The following PIGN variants were observed in gnomAD, a reference collection of about 807,000 sequenced individuals.
PIGN encodes phosphatidylinositol glycan anchor biosynthesis class N, also known as GPI ethanolamine phosphate transferase 1.
Under a neutral mutation model 125.4 loss-of-function variants are expected in PIGN, and 117 were observed. The observed-to-expected ratio is 0.93, with a 90% CI of 0.80 to 1.09. The LOEUF is 1.09. Among genes scored for constraint, PIGN ranks in the 50% least tolerant of loss-of-function variants. The pLI is 0.00. For synonymous variants in PIGN, 392 were observed against 377.8 expected, an observed-to-expected ratio of 1.04 and a Z score of -0.44; for missense variants, 1,075 against 1,094.9, an observed-to-expected ratio of 0.98 and a Z score of 0.26.
At chr18:62,146,879 A>G in intron 9 of PIGN, 92 bp downstream of exon 9, 1 of 1,282,708 alleles carries the variant, frequency 7.8e-7, no homozygotes, top group Non-Finnish European at 1.1e-6. Flanking sequence ...ATACAGCAAG[A>G]CATCTAATCC....
intron 23 of PIGN, among the ~76,000 whole-genome samples, chr18:62,033,926 T>A (rs1205012398): frequency 6.6e-6 from 1 of 152,210 alleles, no homozygotes; most frequent in Non-Finnish European, 1.5e-5. Context: ...GCAGGCAGTA[T>A]TATCACAGTA....
intron 23 of PIGN, among the ~76,000 whole-genome samples, chr18:62,032,315 C>T (rs1458548753): frequency 6.6e-6 from 1 of 152,126 alleles, no homozygotes; most frequent in Non-Finnish European, 1.5e-5. Context: ...AATAGACAAC[C>T]AATATTTACT....
chr18:62,060,933 G>A (rs1455529376), intron 30 of PIGN, among the ~76,000 whole-genome samples: 16 of 152,148 alleles, frequency 1.1e-4, no homozygotes, highest in African/African-American at 3.9e-4. Context: ...AAAGTGTAAA[G>A]ATCAAAAGAA....
At chr18:62,079,904 G>C (rs1197379796) in intron 28 of PIGN, among the ~76,000 whole-genome samples, 2 of 151,976 alleles carry the variant, frequency 1.3e-5, no homozygotes, top group African/African-American at 4.8e-5. Context: ...ATTTAATAGA[G>C]TACCCACATA....
At chr18:62,049,622 G>A (rs1245595977) in intron 30 of PIGN, among the ~76,000 whole-genome samples, 1 of 147,420 alleles carries the variant, frequency 6.8e-6, no homozygotes, top group Non-Finnish European at 1.5e-5. Flanking sequence ...TGAGTAGGTT[G>A]CGAAAATTTT....
intron 30 of PIGN, among the ~76,000 whole-genome samples, chr18:62,056,469 C>T (rs1019836177): frequency 3.3e-5 from 5 of 152,006 alleles, no homozygotes; most frequent in Non-Finnish European, 7.4e-5. Context: ...TTCTCCTCTC[C>T]TCAAAGTCCT....
intron 14 of PIGN, among the ~76,000 whole-genome samples, chr18:62,134,142 C>A (rs1320845340): frequency 2.0e-5 from 3 of 152,110 alleles, no homozygotes; most frequent in Non-Finnish European, 2.9e-5. Context: ...TGCCTGTAAT[C>A]CCAGCACTTT....
chr18:62,140,749 A>C (rs1398989307), intron 11 of PIGN, among the ~76,000 whole-genome samples: 5 of 152,198 alleles, frequency 3.3e-5, no homozygotes, highest in African/African-American at 9.6e-5. Flanking sequence ...ATTAGCTAAG[A>C]ATTTGACCAT....
At chr18:62,046,025 A>T in intron 30 of PIGN, 46 bp from the exon 31 acceptor site, 1 of 1,587,896 alleles carries the variant, frequency 6.3e-7, no homozygotes, top group Non-Finnish European at 8.6e-7. Context: ...AACACAGGTG[A>T]GGAAAATCAT....
intron 30 of PIGN, among the ~76,000 whole-genome samples, chr18:62,054,645 C>A (rs969485248): frequency 6.6e-5 from 10 of 151,864 alleles, no homozygotes; most frequent in Non-Finnish European, 1.3e-4. Flanking sequence ...GCATGCACCA[C>A]CACAGCCAGC....
At chr18:62,081,793 A>C (rs1335442940) in intron 28 of PIGN, among the ~76,000 whole-genome samples, 1 of 152,140 alleles carries the variant, frequency 6.6e-6, no homozygotes, top group Non-Finnish European at 1.5e-5. Context: ...TCAATATTAA[A>C]TTCATGTAAA....
intron 22 of PIGN, among the ~76,000 whole-genome samples, chr18:62,098,989 A>G (rs534981087): frequency 6.7e-6 from 1 of 149,894 alleles, no homozygotes; most frequent in Non-Finnish European, 1.5e-5. Context: ...CTACAACATA[A>G]GATTTGACAG....
chr18:62,021,392 A>C (rs1159547836), intron 23 of PIGN, among the ~76,000 whole-genome samples: 1 of 152,246 alleles, frequency 6.6e-6, no homozygotes, highest in Non-Finnish European at 1.5e-5. Context: ...GCCAGAAGAC[A>C]CAGGCTTTCT....
At chr18:62,123,466 A>G (rs2035386787) in intron 14 of PIGN, 1 of 152,290 alleles carries the variant, frequency 6.6e-6, no homozygotes, top group Middle Eastern at 3.4e-3. Context: ...AAAAGCTATC[A>G]TGATATTAAT....
intron 22 of PIGN, among the ~76,000 whole-genome samples, chr18:62,098,658 T>C (rs2034310356): frequency 6.6e-6 from 1 of 152,184 alleles, no homozygotes; most frequent in East Asian, 1.9e-4. Context: ...AGCTAGACCA[T>C]GGTGTATCTG....
chr18:62,093,081 CTG>C, intron 23 of PIGN, among the ~76,000 whole-genome samples: 1 of 152,076 alleles, frequency 6.6e-6, no homozygotes, highest in East Asian at 1.9e-4. Context: ...GCTCTGGACA[CTG>C]GAGATATGAA....
chr18:62,185,784 A>C (rs2037929958), intron 1 of PIGN, among the ~76,000 whole-genome samples: 2 of 145,956 alleles, frequency 1.4e-5, no homozygotes, highest in South Asian at 4.4e-4. Context: ...TTACCTTTTC[A>C]GATCATAATC....
At chr18:62,022,151 A>G (rs1488083912) in intron 23 of PIGN, among the ~76,000 whole-genome samples, 1 of 152,138 alleles carries the variant, frequency 6.6e-6, no homozygotes, top group Non-Finnish European at 1.5e-5. Flanking sequence ...TAAGGGAGAG[A>G]GTATCCTATA....
chr18:62,041,641 GTGTGTGT>G lies in PIGN; in HGVS notation c.*4208_*4214del, dbSNP rs1426903613. ...TTACAGGAGCCTACCACCCCGCCGG[GTGTGTGT>G]GTGTGTGTGTGTGTGTGTGTGTGTG... is the stretch of plus-strand genomic sequence containing the variant. On this transcript the variant is annotated 3_prime_UTR_variant, in exon 31 of 31. Coordinates refer to ENST00000640252, the MANE Select transcript of PIGN (RefSeq NM_176787.5). The G allele has an allele frequency of 1.6e-4, 4 of 24,312 alleles. No individual in the cohort carries two copies. In the Admixed American group the frequency reaches 1.8e-3, roughly 11 times the overall value. 1.5% of individuals were successfully genotyped at this position (24,312 alleles called of 1,614,324 possible). A position where few individuals can be genotyped will look rare whatever the true frequency, so the allele number is the denominator to read the frequency against.
Sources: gnomAD v4.1 joint callset for allele counts (sites outside exome capture counted in the v4.1 genomes callset) on GRCh38, gnomAD v4.1.1 for gene constraint, MANE v1.5 for transcripts, NCBI Gene and HGNC (gene_info 2026-07-23, HGNC 2026-07-21) for gene names.